TTF1: variants seen among roughly 807,000 people sequenced by gnomAD.
TTF1 encodes transcription termination factor, RNA polymerase I.
TTF1 carries 64 observed loss-of-function variants against 80.2 expected under a neutral mutation model. That is an observed-to-expected ratio of 0.80 (90% CI 0.65 to 0.98). TTF1 has a LOEUF of 0.98. TTF1 is among the 50% of genes least tolerant of loss of function. The probability of loss-of-function intolerance (pLI) is 0.00; values close to 1 mark genes in which losing one functional copy is unlikely to be tolerated. For synonymous variants in TTF1, 372 were observed against 382.7 expected, an observed-to-expected ratio of 0.97 and a Z score of 0.33; for missense variants, 1,023 against 1,086.2, an observed-to-expected ratio of 0.94 and a Z score of 0.82.
intron 5 of TTF1, among the ~76,000 whole-genome samples, chr9:132,395,399 A>T (rs1202727071): frequency 1.3e-5 from 2 of 152,202 alleles, no homozygotes; most frequent in Non-Finnish European, 2.9e-5. Context: ...AAATTACTCT[A>T]AAAATTTCAT....
Position 132,377,908 on chromosome 9 carries a change from A to G in TTF1, c.2464+1151T>C, listed in dbSNP as rs368494902. 2.7e-3 allele frequency among the ~76,000 whole-genome samples: 273 copies of G among 102,080 alleles called. 3 individuals are homozygous for G. The highest frequency in any genetic ancestry group is 0.01 in the African/African-American group (243 of 23,808). 67.0% of individuals were successfully genotyped at this position (102,080 alleles called of 152,430 possible). Reference sequence around the variant, plus strand: ...GTGTGAGTGCATGTGGTGTGAGTGCATGTGTGTGTGAGTGCATGTGGTGCG... The same window carrying G: ...GTGTGAGTGCATGTGGTGTGAGTGCGTGTGTGTGTGAGTGCATGTGGTGCG... On this transcript the variant is annotated intron_variant, in intron 10 of 10. Transcript: ENST00000334270.
At chr9:132,391,511 A>T (rs113860626) in intron 6 of TTF1, among the ~76,000 whole-genome samples, 109 of 147,648 alleles carry the variant, frequency 7.4e-4, no homozygotes, top group African/African-American at 2.6e-3. Flanking sequence ...TCACAAAATT[A>T]AAAAAAAAAA....
At chr9:132,392,527 A>G (rs374112834) in intron 5 of TTF1, among the ~76,000 whole-genome samples, 1 of 152,176 alleles carries the variant, frequency 6.6e-6, no homozygotes, top group Non-Finnish European at 1.5e-5. Flanking sequence ...CATGCTCGCC[A>G]GTGCCGTTTA....
At chr9:132,387,841 A>G (rs1293986350) in intron 8 of TTF1, among the ~76,000 whole-genome samples, 1 of 152,220 alleles carries the variant, frequency 6.6e-6, no homozygotes, top group Non-Finnish European at 1.5e-5. Flanking sequence ...ATTTATATCC[A>G]TATGAAATGC....
rs1295287484 is a variant in TTF1 at position 132,379,079 on chromosome 9, CA to C, written c.2443del (p.Trp815GlyfsTer21). The C allele has an allele frequency of 1.2e-6, 2 of 1,607,828 alleles. No individual in the cohort carries two copies. Among genetic ancestry groups the C allele is most frequent in the Non-Finnish European group, 1.7e-6 (2 of 1,178,044 alleles). ...CTAACCTGGAAAAGTCTTTTTCTGC[CA>C]AAATGGAACATAGACAGCTTTCAGC... Reference protein sequence around the residue: ...SRLKAVYVPFWQKKTFPEIID... With the variant: ...SRLKAVYVPFXQKKTFPEIID... On this transcript the variant is annotated frameshift_variant, in exon 10 of 11. Transcript: ENST00000334270. LOFTEE classifies it low-confidence loss of function (END_TRUNC).
chr9:132,396,601 G>A (rs919891172), intron 4 of TTF1, 90 bp from the exon 5 acceptor site: 4 of 950,704 alleles, frequency 4.2e-6, no homozygotes, highest in East Asian at 2.4e-5. Context: ...ATAACAACAT[G>A]AACTATCCTA....
Position 132,390,499 on chromosome 9 carries a change from C to T in TTF1, c.2222+98G>A, listed in dbSNP as rs529845126. The T allele has an allele frequency of 1.6e-4, 190 of 1,187,364 alleles. 3 individuals carry two copies. The South Asian group carries it at 2.5e-3, about 16-fold the overall frequency. The allele number at this position is 1,187,364 out of a possible 1,614,324, so 73.6% of individuals were successfully genotyped here. A position where few individuals can be genotyped will look rare whatever the true frequency, so the allele number is the denominator to read the frequency against. ...GCAGACTAGACACGATTGTTCTTGA[C>T]ACGTCAGCTTCCCCACGGCAGTTAC... is the stretch of plus-strand genomic sequence containing the variant. On this transcript the variant is annotated intron_variant, in intron 7 of 10. Transcript: ENST00000334270.
chr9:132,401,785 G>A lies in TTF1; in HGVS notation c.1037C>T (p.Ala346Val), dbSNP rs1849768198. The A allele has an allele frequency of 4.3e-6, 7 of 1,613,992 alleles. No homozygotes were observed. In the South Asian group the frequency reaches 7.7e-5, roughly 18 times the overall value. Residue 346 changes from alanine (A) to valine (V), a missense_variant, in exon 2 of 11, where the codon GCA becomes GTA. Ala to Val is a moderately conservative substitution (Grantham distance 64). Transcript: ENST00000334270. ...CTCGAGGCTCTCAGGCATGGCCACT[G>A]CCTCAAATTCCTGGTGATTGGACTT... ...KKKSNHQEFEAVAMPESLESA... is the reference protein window; with the variant it reads ...KKKSNHQEFEVVAMPESLESA...
intron 9 of TTF1, among the ~76,000 whole-genome samples, chr9:132,382,164 G>C (rs913148423): frequency 6.6e-6 from 1 of 152,190 alleles, no homozygotes; most frequent in Non-Finnish European, 1.5e-5. Flanking sequence ...AAATGCAAGA[G>C]CTATGTGCAG....
chr9:132,375,874 G>T lies in TTF1; in HGVS notation c.*41C>A. On this transcript the variant is annotated 3_prime_UTR_variant, in exon 11 of 11. Transcript: ENST00000334270. The stretch of plus-strand genomic sequence containing the variant: ...ATTTTTGCATTTTTAATAGTGACAG[G>T]TCTTCACCATGTTGGTCAGGCCGGT... 8.0e-7 allele frequency: 1 copy of T among 1,246,230 alleles called. No homozygotes were observed. Among genetic ancestry groups the T allele is most frequent in the Non-Finnish European group, 1.1e-6 (1 of 884,874 alleles). The allele number at this position is 1,246,230 out of a possible 1,614,324, so 77.2% of individuals were successfully genotyped here.
chr9:132,401,179 AT>A (rs1712969881), intron 2 of TTF1, among the ~76,000 whole-genome samples: 1 of 152,160 alleles, frequency 6.6e-6, no homozygotes, highest in South Asian at 2.1e-4. Flanking sequence ...AAAATACAAA[AT>A]TAGCCAGGCA....
Position 132,396,693 on chromosome 9 carries a change from A to G in TTF1, c.1778-182T>C, listed in dbSNP as rs529045980. Among the ~76,000 whole-genome samples the G allele has an allele frequency of 1.5e-3, 221 of 145,740 alleles. 2 individuals are homozygous for G. The highest frequency in any genetic ancestry group is 5.2e-3 in the African/African-American group (203 of 39,266). ...TTGTTTGTTTTTTTTTTTTTGAGAG[A>G]GTCTCACTCTGTCACTGAGGCTGGA... On this transcript the variant is annotated intron_variant, in intron 4 of 10. Transcript: ENST00000334270.
chr9:132,388,332 T>C (rs1849506863), intron 7 of TTF1, 104 bp from the exon 8 acceptor site: 1 of 731,682 alleles, frequency 1.4e-6, no homozygotes, highest in Non-Finnish European at 2.1e-6. Flanking sequence ...AGAACCAACT[T>C]CTAACTTTTC....
chr9:132,404,646 C>T (rs1401559752), intron 1 of TTF1, among the ~76,000 whole-genome samples: 3 of 152,108 alleles, frequency 2.0e-5, no homozygotes, highest in African/African-American at 7.2e-5. Context: ...TCTCATCCAG[C>T]TGTTCTCTTT....
Position 132,401,755 on chromosome 9 carries a change from G to A in TTF1, c.1067C>T (p.Ala356Val). Residue 356 changes from alanine (A) to valine (V), a missense_variant, in exon 2 of 11, where the codon GCA (alanine) becomes GTA (valine). By Grantham distance (64) the Ala-to-Val change is moderately conservative (BLOSUM62 0). Coordinates refer to ENST00000334270, the MANE Select transcript of TTF1 (RefSeq NM_007344.4). ...GCCCACCTGTGATCCTTCAGGGTAT[G>A]CACTCTCGAGGCTCTCAGGCATGGC... The part of the protein sequence containing the change: ...AVAMPESLES[A>V]YPEGSQVGSE... 1 of 1,614,132 alleles carries A rather than the reference G, an allele frequency of 6.2e-7. No individual in the cohort carries two copies. Among genetic ancestry groups the A allele is most frequent in the Non-Finnish European group, 8.5e-7 (1 of 1,180,028 alleles).
chr9:132,376,274 T>G, intron 10 of TTF1, 106 bp from the exon 11 acceptor site: 1 of 1,245,548 alleles, frequency 8.0e-7, no homozygotes, highest in Non-Finnish European at 1.1e-6. Context: ...CTCTTGTTAT[T>G]GCTGTGTGTA....
Position 132,401,907 on chromosome 9 carries a change from A to G in TTF1, c.915T>C (p.Ala305=). The change falls in exon 2 of 11, where the codon GCT becomes GCC. Residue 305 remains alanine, a synonymous_variant. Transcript: ENST00000334270. The part of the protein sequence containing the change: ...EGSQVGSEVG[A]DMQESRPAVG... The stretch of plus-strand genomic sequence containing the variant: ...CAGCAGGCCGGGATTCCTGCATATC[A>G]GCCCCAACCTCACTGCCCACTTGTG... 6.2e-7 allele frequency: 1 copy of G among 1,610,852 alleles called. No homozygotes were observed. Among genetic ancestry groups the G allele is most frequent in the African/African-American group, 1.3e-5 (1 of 74,852 alleles).
intron 2 of TTF1, 57 bp from the exon 3 acceptor site, chr9:132,400,315 T>G: frequency 6.9e-7 from 1 of 1,458,362 alleles, no homozygotes; most frequent in Non-Finnish European, 9.6e-7. Context: ...ACCTCATAAC[T>G]TTAAAATTTT....
At chr9:132,398,728 G>A (rs922398601) in intron 3 of TTF1, among the ~76,000 whole-genome samples, 1 of 152,046 alleles carries the variant, frequency 6.6e-6, no homozygotes, top group East Asian at 1.9e-4. Flanking sequence ...CCGAGTAGCT[G>A]GGACTACAGG....
Sources: gnomAD v4.1 joint callset for allele counts (sites outside exome capture counted in the v4.1 genomes callset) on GRCh38, gnomAD v4.1.1 for gene constraint, MANE v1.5 for transcripts, NCBI Gene and HGNC (gene_info 2026-07-23, HGNC 2026-07-21) for gene names.